The following DPP10 variants were observed in gnomAD, a reference collection of about 807,000 sequenced individuals.
DPP10 encodes the protein inactive dipeptidyl peptidase 10.
In DPP10, 33 loss-of-function variants were observed where a neutral mutation model predicts 120.9. The observed-to-expected ratio is 0.27, with a 90% CI of 0.21 to 0.37. The LOEUF (loss-of-function observed/expected upper bound fraction) is 0.37. DPP10 is among the 10% of genes least tolerant of loss of function. The probability of loss-of-function intolerance (pLI) is 1.00; values close to 1 mark genes in which losing one functional copy is unlikely to be tolerated. For missense variants in DPP10, 816 were observed against 942.8 expected, an observed-to-expected ratio of 0.87 and a Z score of 1.76; for synonymous variants, 337 against 326.1, an observed-to-expected ratio of 1.03 and a Z score of -0.36.
chr2:115,613,511 C>T (rs2084265239), intron 5 of DPP10, among the ~76,000 whole-genome samples: 1 of 152,192 alleles, frequency 6.6e-6, no homozygotes, highest in Non-Finnish European at 1.5e-5. Context: ...ATCACTACTG[C>T]CTCTCCACGA....
chr2:115,759,627 C>T (rs917629432), intron 11 of DPP10, among the ~76,000 whole-genome samples: 22 of 151,936 alleles, frequency 1.4e-4, no homozygotes, highest in Admixed American at 6.6e-4. Flanking sequence ...TGAAGTTAAA[C>T]ATATGTAAAC....
chr2:115,593,667 T>A (rs946824773), intron 5 of DPP10, among the ~76,000 whole-genome samples: 2 of 152,200 alleles, frequency 1.3e-5, no homozygotes, highest in African/African-American at 4.8e-5. Context: ...TCAAAACTAA[T>A]GGACAAGGCT....
At chr2:115,810,491 A>G (rs1686518650) in intron 19 of DPP10, among the ~76,000 whole-genome samples, 1 of 152,082 alleles carries the variant, frequency 6.6e-6, no homozygotes, top group Non-Finnish European at 1.5e-5. Context: ...AAATCTATTG[A>G]GTATTGTTTG....
chr2:114,665,522 G>A (rs1449615228), intron 1 of DPP10, among the ~76,000 whole-genome samples: 2 of 151,768 alleles, frequency 1.3e-5, no homozygotes, highest in Non-Finnish European at 2.9e-5. Flanking sequence ...GGGACCCATG[G>A]CTTCTTCACA....
At chr2:115,520,117 G>A (rs2077716354) in intron 4 of DPP10, among the ~76,000 whole-genome samples, 1 of 152,106 alleles carries the variant, frequency 6.6e-6, no homozygotes, top group Non-Finnish European at 1.5e-5. Flanking sequence ...AGGAGTTTGA[G>A]ACCAGTCTGG....
At chr2:115,032,395 T>C (rs1338038395) in intron 1 of DPP10, among the ~76,000 whole-genome samples, 2 of 152,216 alleles carry the variant, frequency 1.3e-5, no homozygotes, top group African/African-American at 4.8e-5. Context: ...TGAACTATTA[T>C]ACAGAGAGAT....
At chr2:114,650,949 T>C (rs1302775464) in intron 1 of DPP10, among the ~76,000 whole-genome samples, 1 of 152,186 alleles carries the variant, frequency 6.6e-6, no homozygotes, top group Non-Finnish European at 1.5e-5. Context: ...CTATAACTCA[T>C]ACATTCAATA....
chr2:115,603,570 G>GTTTTT (rs61548055), intron 5 of DPP10, among the ~76,000 whole-genome samples: 1 of 99,292 alleles, frequency 1.0e-5, no homozygotes, highest in African/African-American at 3.2e-5. Context: ...GTTTTTTTTT[G>GTTTTT]TTTTTTTTTT....
At chr2:115,654,247 C>T (rs1029060903) in intron 5 of DPP10, among the ~76,000 whole-genome samples, 4 of 151,586 alleles carry the variant, frequency 2.6e-5, no homozygotes, top group African/African-American at 4.8e-5. Context: ...TAAGTATACA[C>T]GAGTGAAGGC....
chr2:115,641,616 A>T (rs2086788872), intron 5 of DPP10, among the ~76,000 whole-genome samples: 1 of 152,120 alleles, frequency 6.6e-6, no homozygotes, highest in Non-Finnish European at 1.5e-5. Context: ...TATGTGTATT[A>T]TTAGTTTTCT....
intron 1 of DPP10, among the ~76,000 whole-genome samples, chr2:115,088,750 C>CCAAAAAAAAAA (rs769249185): frequency 1.5e-5 from 1 of 65,044 alleles, no homozygotes; most frequent in African/African-American, 5.6e-5. Flanking sequence ...CTGTGCCTGA[C>CCAAAAAAAAAA]AAAAAAAAAA....
intron 5 of DPP10, among the ~76,000 whole-genome samples, chr2:115,606,757 C>G (rs1277030188): frequency 6.6e-6 from 1 of 152,190 alleles, no homozygotes; most frequent in African/African-American, 2.4e-5. Flanking sequence ...TATCAAGGAG[C>G]TGTCCTCTTT....
chr2:114,501,118 A>T (rs964435482), intron 1 of DPP10, among the ~76,000 whole-genome samples: 2 of 152,222 alleles, frequency 1.3e-5, no homozygotes, highest in Non-Finnish European at 2.9e-5. Context: ...GTAGTTAAAA[A>T]GTGCATGGTT....
At chr2:115,071,167 ATTCT>A (rs1003929358) in intron 1 of DPP10, among the ~76,000 whole-genome samples, 18 of 152,140 alleles carry the variant, frequency 1.2e-4, no homozygotes, top group African/African-American at 4.3e-4. Context: ...GCAATAGAAA[ATTCT>A]TTCTTTTTTC....
chr2:114,451,518 G>C (rs999547265), intron 1 of DPP10, among the ~76,000 whole-genome samples: 24 of 152,004 alleles, frequency 1.6e-4, no homozygotes, highest in African/African-American at 5.6e-4. Context: ...GAGTTAGATT[G>C]ATAAAGAAAG....
chr2:114,747,655 A>G (rs1310168086), intron 1 of DPP10, among the ~76,000 whole-genome samples: 1 of 152,232 alleles, frequency 6.6e-6, no homozygotes, highest in East Asian at 1.9e-4. Context: ...GAAATGCTTC[A>G]TGAGTTTCCC....
At chr2:115,479,025 C>T (rs1174369351) in intron 3 of DPP10, among the ~76,000 whole-genome samples, 6 of 152,086 alleles carry the variant, frequency 3.9e-5, no homozygotes, top group Non-Finnish European at 5.9e-5. Context: ...TGCAGAATTA[C>T]TGTATGATCT....
chr2:114,807,610 A>G (rs1461570597), intron 1 of DPP10, among the ~76,000 whole-genome samples: 2 of 152,218 alleles, frequency 1.3e-5, no homozygotes, highest in Admixed American at 6.6e-5. Context: ...TTAAAAAATT[A>G]TATCATTGTT....
At chr2:115,822,097 G>A (rs542832323) in intron 21 of DPP10, among the ~76,000 whole-genome samples, 7 of 151,736 alleles carry the variant, frequency 4.6e-5, no homozygotes, top group South Asian at 2.1e-4. Context: ...TTTTATTTTC[G>A]TTTGTAGTTT....
Sources: allele counts gnomAD v4.1 joint callset (sites outside exome capture counted in the v4.1 genomes callset), GRCh38; gene constraint gnomAD v4.1.1; transcripts MANE v1.5; gene names NCBI Gene and HGNC (gene_info 2026-07-23, HGNC 2026-07-21).